Variants in TIMM23 observed in about 807,000 individuals in gnomAD.
The protein encoded by TIMM23 is mitochondrial import inner membrane translocase subunit Tim23.
A neutral mutation model predicts 30.7 loss-of-function variants in TIMM23; 19 were observed. The observed-to-expected ratio is 0.62, with a 90% CI of 0.43 to 0.91. The LOEUF is 0.91. TIMM23 is among the 40% of genes least tolerant of loss of function. The pLI, the probability that TIMM23 is intolerant of heterozygous loss-of-function variation, is 0.00. For synonymous variants in TIMM23, 78 were observed against 98.5 expected (o/e 0.79, Z 1.23); for missense variants, 202 against 269.2 (o/e 0.75, Z 1.75).
intron 1 of TIMM23, among the ~76,000 whole-genome samples, chr10:45,973,550 T>G (rs1837567257): frequency 1.3e-5 from 2 of 152,256 alleles, no homozygotes; most frequent in Admixed American, 6.5e-5. Flanking sequence ...ATGTTCAGAC[T>G]GTAGTGCAAA....
chr10:45,989,210 A>G (rs1410782300), intron 6 of TIMM23, among the ~76,000 whole-genome samples: 2 of 152,198 alleles, frequency 1.3e-5, no homozygotes, highest in Admixed American at 6.5e-5. Context: ...GGCACCTCAT[A>G]TAAGTAGAAT....
At chr10:45,994,295 C>T (rs1162571907) in intron 6 of TIMM23, among the ~76,000 whole-genome samples, 5 of 151,682 alleles carry the variant, frequency 3.3e-5, no homozygotes, top group East Asian at 1.9e-4. Flanking sequence ...GGCAAGATTG[C>T]GCCACTGCAC....
At chr10:45,988,892 T>A (rs1465691359) in intron 6 of TIMM23, 45 bp downstream of exon 6, 35 of 1,587,856 alleles carry the variant, frequency 2.2e-5, no homozygotes, top group Non-Finnish European at 2.9e-5. Context: ...ACACTTGAAG[T>A]GCGCTTTTTA....
rs1171770886 is a variant in TIMM23, at chr10:45,979,606, C to CTTTT, written c.166-2893_166-2890dup. Among the ~76,000 whole-genome samples, 93 of 54,410 alleles carry CTTTT rather than the reference C, an allele frequency of 1.7e-3. 6 individuals are homozygous for CTTTT. Among genetic ancestry groups the CTTTT allele is most frequent in the Non-Finnish European group, 1.6e-3 (49 of 30,858 alleles). The allele number at this position is 54,410 out of a possible 152,430, so 35.7% of individuals were successfully genotyped here. A position where few individuals can be genotyped will look rare whatever the true frequency, so the allele number is the denominator to read the frequency against. On this transcript the variant is annotated intron_variant, in intron 2 of 6. Coordinates refer to ENST00000580018, the MANE Select transcript of TIMM23 (RefSeq NM_006327.4). The stretch of plus-strand genomic sequence containing the variant: ...ACAGGCATGAGCCACCATGCCTGGC[C>CTTTT]TTTTTTTTTTTTTTTTTTTTTTTTT...
chr10:45,993,174 C>T (rs1335710404), intron 6 of TIMM23, among the ~76,000 whole-genome samples: 12 of 148,688 alleles, frequency 8.1e-5, no homozygotes, highest in East Asian at 2.0e-4. Context: ...ATGCTTAAAA[C>T]GTGAATGACT....
chr10:45,976,606 A>C (rs1554913173), intron 2 of TIMM23, among the ~76,000 whole-genome samples: 1 of 152,224 alleles, frequency 6.6e-6, no homozygotes, highest in Non-Finnish European at 1.5e-5. Context: ...GTAAGACCCT[A>C]TCTCTAAATA....
intron 6 of TIMM23, among the ~76,000 whole-genome samples, chr10:46,000,246 T>G (rs1351475139): frequency 3.9e-5 from 6 of 152,224 alleles, no homozygotes; most frequent in African/African-American, 1.4e-4. Flanking sequence ...GTCCATGAAA[T>G]CTTCACAATT....
Position 45,983,523 on chromosome 10 carries a change from A to C in TIMM23, c.344+593A>C, listed in dbSNP as rs1254651892. 2.6e-5 allele frequency among the ~76,000 whole-genome samples: 4 copies of C among 152,244 alleles called. No homozygotes were observed. In the East Asian group the frequency reaches 7.7e-4, roughly 29 times the overall value. On this transcript the variant is annotated intron_variant, in intron 4 of 6. Coordinates refer to ENST00000580018, the MANE Select transcript of TIMM23 (RefSeq NM_006327.4). ...CGGAAAGTATGTTTTCACCCAACTT[A>C]AGAAGTAAACATGGCCAGTCCCTCT...
chr10:45,988,020 G>A (rs1838047099), intron 5 of TIMM23, among the ~76,000 whole-genome samples: 1 of 152,146 alleles, frequency 6.6e-6, no homozygotes, highest in Non-Finnish European at 1.5e-5. Flanking sequence ...TTTCACTGGA[G>A]TTGGGGTGCA....
chr10:45,977,624 C>T (rs1837713344), intron 2 of TIMM23, among the ~76,000 whole-genome samples: 1 of 152,200 alleles, frequency 6.6e-6, no homozygotes, highest in Non-Finnish European at 1.5e-5. Flanking sequence ...GTAGTTGTGA[C>T]TTTGGATTAG....
chr10:45,974,924 C>T (rs1435349556), intron 1 of TIMM23, among the ~76,000 whole-genome samples: 22 of 151,634 alleles, frequency 1.5e-4, no homozygotes, highest in Non-Finnish European at 2.9e-4. Context: ...TTTGCACAGA[C>T]CCACATACCT....
rs1838271855 is a variant in TIMM23 at position 45,994,612 on chromosome 10, TTG to T, written c.514+5769_514+5770del. 4.8e-5 allele frequency among the ~76,000 whole-genome samples: 6 copies of T among 125,986 alleles called. No homozygotes were observed. The South Asian group carries it at 1.7e-3, about 36-fold the overall frequency. 82.7% of individuals were successfully genotyped at this position (125,986 alleles called of 152,430 possible). A position where few individuals can be genotyped will look rare whatever the true frequency, so the allele number is the denominator to read the frequency against. ...ACGCCACCATGCCTGGCTAATTTTT[TTG>T]TGTTTTTTGTAGAGACGGGGTTTCA... is the stretch of plus-strand genomic sequence containing the variant. On this transcript the variant is annotated intron_variant, in intron 6 of 6. Coordinates refer to ENST00000580018, the MANE Select transcript of TIMM23 (RefSeq NM_006327.4).
At chr10:45,976,960 T>C (rs1412643480) in intron 2 of TIMM23, among the ~76,000 whole-genome samples, 2 of 152,212 alleles carry the variant, frequency 1.3e-5, no homozygotes, top group East Asian at 3.8e-4. Context: ...AAATCAAATA[T>C]ATTTCTAGAC....
chr10:45,989,596 A>G (rs1181817868), intron 6 of TIMM23, among the ~76,000 whole-genome samples: 4 of 152,036 alleles, frequency 2.6e-5, no homozygotes, highest in African/African-American at 9.7e-5. Flanking sequence ...AGTTTTTTTA[A>G]TCTTGGACAG....
intron 6 of TIMM23, among the ~76,000 whole-genome samples, chr10:45,997,569 T>C (rs1032274199): frequency 6.6e-6 from 1 of 152,120 alleles, no homozygotes; most frequent in African/African-American, 2.4e-5. Flanking sequence ...CTCAACACTT[T>C]GGGAGGCTGA....
At chr10:45,982,739 C>T in intron 3 of TIMM23, 107 bp from the exon 4 acceptor site, 1 of 1,561,742 alleles carries the variant, frequency 6.4e-7, no homozygotes. Context: ...TTGTCTTTTT[C>T]TATTAAATAA....
At chr10:46,002,167 G>A (rs1838559979) in intron 6 of TIMM23, among the ~76,000 whole-genome samples, 1 of 151,976 alleles carries the variant, frequency 6.6e-6, no homozygotes, top group South Asian at 2.1e-4. Context: ...AACTCAAAGT[G>A]TGATTATAGC....
At chr10:46,002,612 T>C in intron 6 of TIMM23, 1 of 534,118 alleles carries the variant, frequency 1.9e-6, no homozygotes, top group East Asian at 1.5e-4. Flanking sequence ...ATCATATTAC[T>C]AGCAGGAAAC....
chr10:45,984,521 A>C (rs1469664424), intron 4 of TIMM23: 1 of 152,374 alleles, frequency 6.6e-6, no homozygotes, highest in Non-Finnish European at 1.5e-5. Flanking sequence ...AGAAAATACA[A>C]ATTTTTGTTT....
Sources: allele counts gnomAD v4.1 joint callset (sites outside exome capture counted in the v4.1 genomes callset), GRCh38; gene constraint gnomAD v4.1.1; transcripts MANE v1.5; gene names NCBI Gene and HGNC (gene_info 2026-07-23, HGNC 2026-07-21).